TCOF1: variants seen among roughly 807,000 people sequenced by gnomAD.
The protein encoded by TCOF1 is treacle ribosome biogenesis factor 1.
In TCOF1, 33 loss-of-function variants were observed where a neutral mutation model predicts 149.0. That is an observed-to-expected ratio of 0.22 (90% CI 0.17 to 0.30). The LOEUF is 0.30. Among genes scored for constraint, TCOF1 ranks in the 10% least tolerant of loss-of-function variants. The probability of loss-of-function intolerance (pLI) is 1.00; values close to 1 mark genes in which losing one functional copy is unlikely to be tolerated. For synonymous variants in TCOF1, 789 were observed against 738.8 expected (o/e 1.07, Z -1.10); for missense variants, 1,728 against 1,840.7 (o/e 0.94, Z 1.12).
chr5:150,382,954 C>T (rs1765526877), intron 17 of TCOF1: 2 of 863,638 alleles, frequency 2.3e-6, no homozygotes, highest in Non-Finnish European at 3.5e-6. Flanking sequence ...GGCCACGCTG[C>T]CTCCCCTGGA....
Position 150,391,564 on chromosome 5 carries a change from T to C in TCOF1, c.3204T>C (p.Ala1068=). 7 of 1,614,084 alleles carry C rather than the reference T, an allele frequency of 4.3e-6. No individual in the cohort carries two copies. Among genetic ancestry groups the C allele is most frequent in the Non-Finnish European group, 5.9e-6 (7 of 1,179,998 alleles). The change falls in exon 20 of 27, where the codon GCT becomes GCC. Residue 1068 remains alanine, a synonymous_variant. Transcript: ENST00000643257. Reference sequence around the variant, plus strand: ...CACAGGTGTCAAAGAAGAACCCAGCTTCCCTCCCACTGACCCAGGCTGCCC... The same window carrying C: ...CACAGGTGTCAAAGAAGAACCCAGCCTCCCTCCCACTGACCCAGGCTGCCC... ...PATQVSKKNP[A]SLPLTQAALK...
intron 4 of TCOF1, chr5:150,368,396 G>T: frequency 4.8e-6 from 2 of 419,194 alleles, no homozygotes; most frequent in Non-Finnish European, 8.8e-6. Context: ...AAAGAATTGT[G>T]CCTCTGCGAT....
At position 150,375,896 on chromosome 5, in the gene TCOF1, T is replaced by A; in HGVS notation, c.1880T>A (p.Met627Lys). ...SADSEEAPAAMTAAQAKPALK... is the reference protein window; with the variant it reads ...SADSEEAPAAKTAAQAKPALK... ...GACAGTGAGGAGGCACCAGCAGCCATGACTGCAGCTCAGGTGAGGCCTGGG... is the reference window on the plus strand; with the variant it reads ...GACAGTGAGGAGGCACCAGCAGCCAAGACTGCAGCTCAGGTGAGGCCTGGG... Residue 627 changes from methionine to lysine, a missense_variant, in exon 12 of 27, where the codon ATG (methionine) becomes AAG (lysine). By Grantham distance (95) the Met-to-Lys change is moderately conservative. Transcript: ENST00000643257. 6.2e-7 allele frequency: 1 copy of A among 1,614,208 alleles called. No individual in the cohort carries two copies. Among genetic ancestry groups the A allele is most frequent in the South Asian group, 1.1e-5 (1 of 91,086 alleles).
intron 5 of TCOF1, among the ~76,000 whole-genome samples, chr5:150,369,275 C>T (rs1002201589): frequency 1.3e-5 from 2 of 152,234 alleles, no homozygotes; most frequent in African/African-American, 4.8e-5. Context: ...GTTCTGTAGA[C>T]TGTCAGGTGC....
chr5:150,388,052 G>A lies in TCOF1; in HGVS notation c.3010G>A (p.Glu1004Lys). ...ARSSSSESED[E>K]DVIPATQCLT... ...GAGCTCCTCCTCCGAGAGCGAGGATGAGGACGTGATCCCCGCTACACAGTG... is the reference window on the plus strand; with the variant it reads ...GAGCTCCTCCTCCGAGAGCGAGGATAAGGACGTGATCCCCGCTACACAGTG... The change falls in exon 18 of 27, where the codon GAG becomes AAG. Residue 1004 changes from glutamate (E) to lysine (K), a missense_variant. Glu to Lys is a moderately conservative substitution (Grantham distance 56). Around this residue, in one of 2 missense-constraint regions of TCOF1, gnomAD observed 1,696 missense variants for 1,765.4 expected, o/e 0.96. Coordinates refer to ENST00000643257, the MANE Select transcript of TCOF1 (RefSeq NM_001371623.1). 3 of 1,613,630 alleles carry A rather than the reference G, an allele frequency of 1.9e-6. No individual in the cohort carries two copies. Among genetic ancestry groups the A allele is most frequent in the South Asian group, 2.2e-5 (2 of 91,054 alleles).
At position 150,371,918 on chromosome 5, in the gene TCOF1, C is replaced by G. The variant is rs1762611829; in HGVS notation, c.640-88C>G. ...AAAATCCAGTGACATTAGGAAAGAG[C>G]TTTATCAACTGCTGAAGCCCCTAAT... is the stretch of plus-strand genomic sequence containing the variant. On this transcript the variant is annotated intron_variant, in intron 6 of 26. Coordinates refer to ENST00000643257, the MANE Select transcript of TCOF1 (RefSeq NM_001371623.1). The G allele has an allele frequency of 3.4e-5, 41 of 1,198,244 alleles. No homozygotes were observed. The South Asian group carries it at 4.7e-4, about 14-fold the overall frequency. The allele number at this position is 1,198,244 out of a possible 1,614,324, so 74.2% of individuals were successfully genotyped here. A position where few individuals can be genotyped will look rare whatever the true frequency, so the allele number is the denominator to read the frequency against.
chr5:150,362,481 C>T (rs1760353840), intron 2 of TCOF1, among the ~76,000 whole-genome samples: 1 of 152,070 alleles, frequency 6.6e-6, no homozygotes, highest in Non-Finnish European at 1.5e-5. Context: ...AAGAATAGTG[C>T]GTTCTCTGAG....
rs775645448 is a variant in TCOF1 at position 150,375,145 on chromosome 5, A to G, written c.1470A>G (p.Ala490=). ...EESDSDREAL[A]AMNAAQVKPL... ...CAGACAGTGACAGAGAGGCACTGGC[A>G]GCCATGAATGCAGCTCAGGTGAGGC... Residue 490 remains alanine, a synonymous_variant, in exon 10 of 27, where the codon GCA becomes GCG. Coordinates refer to ENST00000643257, the MANE Select transcript of TCOF1 (RefSeq NM_001371623.1). The G allele has an allele frequency of 5.6e-6, 9 of 1,613,488 alleles. No individual in the cohort carries two copies. The highest frequency in any genetic ancestry group is 7.6e-6 in the Non-Finnish European group (9 of 1,179,846).
At chr5:150,384,888 A>T (rs753518467) in intron 17 of TCOF1, 1 of 985,406 alleles carries the variant, frequency 1.0e-6, no homozygotes. Flanking sequence ...TTATTAGCCC[A>T]TCAGTGGGGA....
rs563842044 is a variant in TCOF1, at chr5:150,397,435, A to G, written c.4345+593A>G. Among the ~76,000 whole-genome samples the G allele has an allele frequency of 2.6e-5, 4 of 151,910 alleles. No homozygotes were observed. The South Asian group carries it at 8.3e-4, about 32-fold the overall frequency. ...GTCTCTAGACCTCAGTTTTCCCTCC[A>G]TAGTAACACTGGCCCTTTACTGAGT... is the stretch of plus-strand genomic sequence containing the variant. On this transcript the variant is annotated intron_variant, in intron 24 of 26. Transcript: ENST00000643257.
At chr5:150,390,972 C>G (rs1767307321) in intron 19 of TCOF1, among the ~76,000 whole-genome samples, 1 of 152,144 alleles carries the variant, frequency 6.6e-6, no homozygotes. Flanking sequence ...GTGGGGTGAC[C>G]TGCTATATGA....
intron 1 of TCOF1, 27 bp downstream of exon 1, chr5:150,357,881 G>A (rs1454335141): frequency 1.3e-6 from 2 of 1,545,962 alleles, no homozygotes; most frequent in Non-Finnish European, 1.7e-6. Flanking sequence ...CGTGTGCGAG[G>A]GCCGCGTGCA....
chr5:150,385,290 A>G (rs886782611), intron 17 of TCOF1, among the ~76,000 whole-genome samples: 1 of 152,218 alleles, frequency 6.6e-6, no homozygotes, highest in African/African-American at 2.4e-5. Flanking sequence ...CTGGTGTTAC[A>G]TTGAGGCCTA....
chr5:150,385,934 T>C (rs1766191650), intron 17 of TCOF1, among the ~76,000 whole-genome samples: 1 of 152,128 alleles, frequency 6.6e-6, no homozygotes. Flanking sequence ...GTTTCCACAG[T>C]GCATTGGAAC....
chr5:150,392,878 G>C, intron 22 of TCOF1, 88 bp downstream of exon 22: 1 of 1,476,416 alleles, frequency 6.8e-7, no homozygotes, highest in Non-Finnish European at 9.3e-7. Context: ...CTCAGGTCAG[G>C]GGTCTGGGTC....
intron 20 of TCOF1, 59 bp from the exon 21 acceptor site, chr5:150,391,898 G>C (rs1767515887): frequency 6.4e-7 from 1 of 1,552,368 alleles, no homozygotes; most frequent in African/African-American, 1.4e-5. Context: ...TGTTCAGGAA[G>C]GACCAGGTCT....
At chr5:150,388,116 G>A in intron 18 of TCOF1, 28 bp downstream of exon 18, 1 of 1,612,374 alleles carries the variant, frequency 6.2e-7, no homozygotes, top group Non-Finnish European at 8.5e-7. Flanking sequence ...GCAGTGGTGG[G>A]AGGGGCTGCC....
chr5:150,361,355 C>G (rs1760045771), intron 2 of TCOF1, 144 bp downstream of exon 2: 4 of 879,298 alleles, frequency 4.5e-6, no homozygotes, highest in Non-Finnish European at 7.4e-6. Context: ...AGCCAGCTCA[C>G]ATCACATGGA....
rs957571619 is a variant in TCOF1, at chr5:150,399,012, C to T, written c.4444-10C>T. On this transcript the variant is annotated splice_polypyrimidine_tract_variant and intron_variant, in intron 25 of 26. Transcript: ENST00000643257. ...AGGTCTGAGAGCCTCTCGTACTTCC[C>T]TCCTCACAGAAGAAGACAGCAGAGC... The T allele has an allele frequency of 1.2e-6, 2 of 1,614,234 alleles. No homozygotes were observed. Among genetic ancestry groups the T allele is most frequent in the East Asian group, 2.2e-5 (1 of 44,886 alleles).
Sources: gnomAD v4.1 joint callset for allele counts (sites outside exome capture counted in the v4.1 genomes callset) on GRCh38, gnomAD v4.1.1 for gene constraint, gnomAD v4.1.1 regional missense constraint, MANE v1.5 for transcripts, NCBI Gene and HGNC (gene_info 2026-07-23, HGNC 2026-07-21) for gene names.